TNRC18: variants seen among roughly 807,000 people sequenced by gnomAD.
The protein encoded by TNRC18 is trinucleotide repeat containing 18.
TNRC18 carries 69 observed loss-of-function variants against 226.7 expected under a neutral mutation model. The ratio of observed to expected loss-of-function variants is 0.30; its 90% CI spans 0.25 to 0.37. The LOEUF (loss-of-function observed/expected upper bound fraction) is 0.37. Among genes scored for constraint, TNRC18 ranks in the 10% least tolerant of loss-of-function variants. The pLI, the probability that TNRC18 is intolerant of heterozygous loss-of-function variation, is 1.00. For missense variants in TNRC18, 4,754 were observed against 4,256.6 expected (o/e 1.12, Z -3.25); for synonymous variants, 2,449 against 1,927.6 (o/e 1.27, Z -7.09).
rs1265799927 is a variant in TNRC18, at chr7:5,389,134, C to A, written c.690G>T (p.Glu230Asp). 5 of 1,320,266 alleles carry A rather than the reference C, an allele frequency of 3.8e-6. No homozygotes were observed. Among genetic ancestry groups the A allele is most frequent in the Middle Eastern group, 2.7e-4 (1 of 3,646 alleles). The allele number at this position is 1,320,266 out of a possible 1,614,324, so 81.8% of individuals were successfully genotyped here. A position where few individuals can be genotyped will look rare whatever the true frequency, so the allele number is the denominator to read the frequency against. The change falls in exon 5 of 30, where the codon GAG becomes GAT. Residue 230 changes from glutamate (E) to aspartate (D), a missense_variant. Coordinates refer to ENST00000430969, the MANE Select transcript of TNRC18 (RefSeq NM_001080495.3). ...CCACGCCCCGTGGCCCCGAGGCCTC[C>A]TCGCCCCGGGCGCGCGGGTCCTTCT... ...FGKKDPRARG[E>D]EASGPRGVVD...
chr7:5,417,824 A>G (rs2128223309), intron 2 of TNRC18, among the ~76,000 whole-genome samples: 1 of 152,298 alleles, frequency 6.6e-6, no homozygotes, highest in East Asian at 1.9e-4. Flanking sequence ...TTATCTCTCC[A>G]TCACTCTGCC....
At chr7:5,331,720 G>A (rs62443169) in intron 19 of TNRC18, among the ~76,000 whole-genome samples, 8,700 of 152,226 alleles carry the variant, frequency 0.057, 344 homozygotes, top group South Asian at 0.15. Context: ...GACCAGCCTG[G>A]GCAATGCAGC....
At chr7:5,322,846 G>A (rs1364358917) in intron 21 of TNRC18, among the ~76,000 whole-genome samples, 1 of 152,224 alleles carries the variant, frequency 6.6e-6, no homozygotes, top group Non-Finnish European at 1.5e-5. Context: ...GTGCCTGCCT[G>A]TGGCCTTGTC....
chr7:5,320,796 G>A (rs1327196368), intron 22 of TNRC18, 189 bp from the exon 23 acceptor site: 2 of 629,712 alleles, frequency 3.2e-6, no homozygotes, highest in East Asian at 5.5e-5. Context: ...AGGACTAGGG[G>A]TTGCAAGGCA....
chr7:5,394,613 G>C lies in TNRC18; in HGVS notation c.188-18C>G, dbSNP rs781405982. On this transcript the variant is annotated intron_variant, in intron 2 of 29. Transcript: ENST00000430969. The surrounding 1 kb of genome is among the most constrained non-coding windows in gnomAD (Gnocchi z 4.5). ...GGCCTCGCCTGCAGAGAGAAGTTGG[G>C]AGGACCGTCAGGCAGACAACCAGGG... 57 of 1,536,546 alleles carry C rather than the reference G, an allele frequency of 3.7e-5. No individual in the cohort carries two copies. Among genetic ancestry groups the C allele is most frequent in the Non-Finnish European group, 4.6e-5 (53 of 1,142,012 alleles).
chr7:5,345,730 CACCCAGCCTGTAG>C lies in TNRC18; in HGVS notation c.5538_5550del (p.Tyr1847ProfsTer182). 6.5e-7 allele frequency: 1 copy of C among 1,548,446 alleles called. No homozygotes were observed. Among genetic ancestry groups the C allele is most frequent in the Non-Finnish European group, 8.7e-7 (1 of 1,146,814 alleles). ...CCCGGTGACAGGGCCCGCTCCCGGGCACCCAGCCTGTAGCCACCACCGCTGGCCTCGTCCTCCT... is the reference window on the plus strand; with the variant it reads ...CCCGGTGACAGGGCCCGCTCCCGGGCCCACCACCGCTGGCCTCGTCCTCCT... On this transcript the variant is annotated frameshift_variant, in exon 18 of 30. Transcript: ENST00000430969. LOFTEE classifies it high-confidence loss of function.
intron 26 of TNRC18, among the ~76,000 whole-genome samples, chr7:5,314,120 T>G (rs1187676218): frequency 6.6e-6 from 1 of 151,494 alleles, no homozygotes; most frequent in Non-Finnish European, 1.5e-5. Flanking sequence ...CCACTATGCC[T>G]GGGGAATTTT....
intron 21 of TNRC18, among the ~76,000 whole-genome samples, chr7:5,322,095 T>G (rs571975601): frequency 5.9e-5 from 9 of 151,922 alleles, no homozygotes; most frequent in Admixed American, 2.6e-4. Context: ...CTAGCTAACA[T>G]GGTGAAACCC....
intron 29 of TNRC18, among the ~76,000 whole-genome samples, chr7:5,308,616 CCAGAGAGAGT>C (rs766945687): frequency 4.7e-4 from 71 of 152,050 alleles, no homozygotes; most frequent in Middle Eastern, 6.8e-3. Flanking sequence ...TGGGAGAGAC[CCAGAGAGAGT>C]CAGAGGGCAA....
chr7:5,340,676 G>C (rs1211384726), intron 18 of TNRC18, among the ~76,000 whole-genome samples: 1 of 151,172 alleles, frequency 6.6e-6, no homozygotes, highest in Non-Finnish European at 1.5e-5. Context: ...CCGGGAGGCA[G>C]AGGTTGCAGT....
chr7:5,310,611 T>C (rs963083044), intron 27 of TNRC18, among the ~76,000 whole-genome samples: 3 of 151,882 alleles, frequency 2.0e-5, no homozygotes, highest in African/African-American at 7.3e-5. Context: ...CACAGCTCAC[T>C]GCAGCCTTGA....
In TNRC18 at chr7:5,332,654, C is replaced by T. The variant is rs760485743; in HGVS notation, c.6115G>A (p.Gly2039Arg). 1.6e-5 allele frequency: 24 copies of T among 1,531,792 alleles called. No homozygotes were observed. The highest frequency in any genetic ancestry group is 3.6e-5 in the South Asian group (3 of 82,450). 94.9% of individuals were successfully genotyped at this position (1,531,792 alleles called of 1,614,324 possible). A position where few individuals can be genotyped will look rare whatever the true frequency, so the allele number is the denominator to read the frequency against. Residue 2039 changes from glycine (G) to arginine (R), a missense_variant, in exon 19 of 30, where the codon GGG (glycine) becomes AGG (arginine). Coordinates refer to ENST00000430969, the MANE Select transcript of TNRC18 (RefSeq NM_001080495.3). ...GGGTCCTTCCTGTCCTTTGCACGCC[C>T]GGCGTCCTTGCGCGGGCTCAGGGGG... Reference protein sequence around the residue: ...GGPLSPRKDAGRAKDRKDPRK... With the variant: ...GGPLSPRKDARRAKDRKDPRK...
rs1356761600 is a variant in TNRC18 at position 5,309,516 on chromosome 7, C to G, written c.8389-148G>C. 1.5e-6 allele frequency: 1 copy of G among 680,512 alleles called. No individual in the cohort carries two copies. Among genetic ancestry groups the G allele is most frequent in the Non-Finnish European group, 2.5e-6 (1 of 406,890 alleles). The allele number at this position is 680,512 out of a possible 1,614,324, so 42.2% of individuals were successfully genotyped here. ...GGGGAGATGAGGAAGCTCCTTGTCT[C>G]GCTTCAAGTGGGGAAGCCCCTCTTC... On this transcript the variant is annotated intron_variant, in intron 27 of 29. Transcript: ENST00000430969. The surrounding 1 kb of genome is among the most constrained non-coding windows in gnomAD (Gnocchi z 5.7).
At chr7:5,403,440 G>A (rs527364419) in intron 2 of TNRC18, among the ~76,000 whole-genome samples, 8 of 152,194 alleles carry the variant, frequency 5.3e-5, no homozygotes, top group Admixed American at 2.6e-4. Context: ...GATTACAGGC[G>A]TGAGCCACCA....
At position 5,313,816 on chromosome 7, in the gene TNRC18, T is replaced by A; in HGVS notation, c.7075A>T (p.Ser2359Cys). The change falls in exon 27 of 30, where the codon AGT becomes TGT. Residue 2359 changes from serine (S) to cysteine (C), a missense_variant. By Grantham distance (112) the Ser-to-Cys change is moderately radical. Coordinates refer to ENST00000430969, the MANE Select transcript of TNRC18 (RefSeq NM_001080495.3). The stretch of plus-strand genomic sequence containing the variant: ...CTCGGCTCCAGGGCTAAGGGGGTAC[T>A]GGGGACCTCGTCTGTTGGGTTCCCC... The part of the protein sequence containing the change: ...EEGNPTDEVP[S>C]TPLALEPSST... 6.6e-7 allele frequency: 1 copy of A among 1,513,114 alleles called. No individual in the cohort carries two copies. The highest frequency in any genetic ancestry group is 1.3e-5 in the South Asian group (1 of 75,242). The allele number at this position is 1,513,114 out of a possible 1,614,324, so 93.7% of individuals were successfully genotyped here.
chr7:5,345,528 C>CCCCCCCCCCCCCCCCCCCCCCCCAA, intron 18 of TNRC18, 34 bp downstream of exon 18: 2 of 534,162 alleles, frequency 3.7e-6, no homozygotes, highest in Non-Finnish European at 5.4e-6. Flanking sequence ...CCCCTCCCAC[C>CCCCCCCCCCCCCCCCCCCCCCCCAA]CACCCCCACC....
At chr7:5,350,084 G>A (rs1309007857) in intron 17 of TNRC18, among the ~76,000 whole-genome samples, 3 of 152,138 alleles carry the variant, frequency 2.0e-5, no homozygotes, top group Non-Finnish European at 2.9e-5. Flanking sequence ...CGGAAACCGC[G>A]GCTTTAAGGG....
intron 2 of TNRC18, among the ~76,000 whole-genome samples, chr7:5,400,020 G>A (rs1780973751): frequency 6.6e-6 from 1 of 152,112 alleles, no homozygotes; most frequent in Non-Finnish European, 1.5e-5. Flanking sequence ...CTCCTGAGTA[G>A]CTGGGACTGC....
chr7:5,307,966 A>ACGTGCACACCTGGCCC lies in TNRC18; in HGVS notation c.*124_*139dup. The ACGTGCACACCTGGCCC allele has an allele frequency of 1.4e-6, 1 of 736,468 alleles. No individual in the cohort carries two copies. The highest frequency in any genetic ancestry group is 2.7e-5 in the Admixed American group (1 of 37,310). 45.6% of individuals were successfully genotyped at this position (736,468 alleles called of 1,614,324 possible). A position where few individuals can be genotyped will look rare whatever the true frequency, so the allele number is the denominator to read the frequency against. ...TGCACACACACTCACCCGGGCATCC[A>ACGTGCACACCTGGCCC]CGTGCACACCTGGCCCCATGCACAC... On this transcript the variant is annotated 3_prime_UTR_variant, in exon 30 of 30. Coordinates refer to ENST00000430969, the MANE Select transcript of TNRC18 (RefSeq NM_001080495.3).
Sources: allele counts gnomAD v4.1 joint callset (sites outside exome capture counted in the v4.1 genomes callset), GRCh38; gene constraint gnomAD v4.1.1; non-coding constraint Gnocchi (gnomAD v3.1); transcripts MANE v1.5; gene names NCBI Gene and HGNC (gene_info 2026-07-23, HGNC 2026-07-21).